DGKI: variants seen among roughly 807,000 people sequenced by gnomAD.
DGKI encodes DAG kinase iota.
In DGKI, 55 loss-of-function variants were observed where a neutral mutation model predicts 147.5. The observed-to-expected ratio is 0.37, with a 90% CI of 0.30 to 0.47. The LOEUF (loss-of-function observed/expected upper bound fraction) is 0.47, where lower values mean the gene tolerates loss of function less well. DGKI is among the 20% of genes least tolerant of loss of function. The pLI, the probability that DGKI is intolerant of heterozygous loss-of-function variation, is 1.00. For synonymous variants in DGKI, 469 were observed against 477.1 expected, an observed-to-expected ratio of 0.98 and a Z score of 0.22; for missense variants, 1,007 against 1,323.8, an observed-to-expected ratio of 0.76 and a Z score of 3.71.
chr7:137,729,188 T>G (rs2116653277), intron 1 of DGKI, among the ~76,000 whole-genome samples: 1 of 152,306 alleles, frequency 6.6e-6, no homozygotes, highest in Non-Finnish European at 1.5e-5. Context: ...TACTGCCTAC[T>G]AATACAAAGA....
rs192550100 is a variant in DGKI at position 137,812,527 on chromosome 7, C to T, written c.401+33935G>A. ...GATAAAGAAACCCTGCCCTTTCAGG[C>T]GCAATTTTGAGGTCCTTATGCTGAG... On this transcript the variant is annotated intron_variant, in intron 1 of 32. Transcript: ENST00000614521. Among the ~76,000 whole-genome samples the T allele has an allele frequency of 9.8e-3, 1,489 of 152,274 alleles. 10 individuals carry two copies. Among genetic ancestry groups the T allele is most frequent in the Middle Eastern group, 0.017 (5 of 294 alleles).
intron 4 of DGKI, among the ~76,000 whole-genome samples, chr7:137,655,908 C>A (rs568290995): frequency 6.6e-6 from 1 of 152,310 alleles, no homozygotes; most frequent in African/African-American, 2.4e-5. Context: ...AATAAATGGA[C>A]TTTGCCGAAT....
chr7:137,686,521 G>T (rs1203258283), intron 2 of DGKI, among the ~76,000 whole-genome samples: 1 of 152,156 alleles, frequency 6.6e-6, no homozygotes, highest in Non-Finnish European at 1.5e-5. Flanking sequence ...GTCATAATAA[G>T]CCATTTGAGT....
chr7:137,403,969 G>A (rs1811852324), intron 30 of DGKI, among the ~76,000 whole-genome samples: 1 of 151,908 alleles, frequency 6.6e-6, no homozygotes, highest in Non-Finnish European at 1.5e-5. Flanking sequence ...GACTTACTGA[G>A]GCCTCTTGGA....
chr7:137,681,859 AG>A (rs1182297576), intron 2 of DGKI, among the ~76,000 whole-genome samples: 11 of 152,256 alleles, frequency 7.2e-5, no homozygotes, highest in Non-Finnish European at 1.6e-4. Flanking sequence ...TTGGGCCATA[AG>A]GTATCAGCTT....
At chr7:137,717,815 G>A (rs1794426114) in intron 1 of DGKI, among the ~76,000 whole-genome samples, 1 of 152,206 alleles carries the variant, frequency 6.6e-6, no homozygotes, top group Non-Finnish European at 1.5e-5. Flanking sequence ...TAAAAAGCCA[G>A]TGCCTAATGG....
At chr7:137,543,620 C>A (rs1249412465) in intron 20 of DGKI, among the ~76,000 whole-genome samples, 1 of 151,954 alleles carries the variant, frequency 6.6e-6, no homozygotes, top group Admixed American at 6.6e-5. Flanking sequence ...GAGGGTTCAC[C>A]CAAAGAAAAG....
chr7:137,713,640 T>A (rs912255930), intron 1 of DGKI, among the ~76,000 whole-genome samples: 13 of 152,114 alleles, frequency 8.5e-5, no homozygotes, highest in Non-Finnish European at 1.9e-4. Flanking sequence ...CCTACCCAAT[T>A]TTTTTTAATT....
intron 21 of DGKI, among the ~76,000 whole-genome samples, chr7:137,516,823 A>G (rs1428349502): frequency 6.6e-6 from 1 of 152,072 alleles, no homozygotes; most frequent in Non-Finnish European, 1.5e-5. Context: ...GTTGAGCTCA[A>G]ATATGCAAAC....
rs2117130597 is a variant in DGKI, at chr7:137,846,495, C to T, written c.368G>A (p.Arg123Lys). Residue 123 changes from arginine (R) to lysine (K), a missense_variant, in exon 1 of 33, where the codon AGG becomes AAG. Coordinates refer to ENST00000614521, the MANE Select transcript of DGKI (RefSeq NM_001321708.2). This position sits in a 1 kb window ranked among gnomAD's most constrained non-coding sequence, Gnocchi z 4.0. ...EKDEALEEKLRNLTFRKQVSY... is the reference protein window; with the variant it reads ...EKDEALEEKLKNLTFRKQVSY... ...GACCTGCTTCCGGAAAGTTAAGTTC[C>T]TCAGCTTCTCCTCCAGCGCTTCGTC... 6.3e-7 allele frequency: 1 copy of T among 1,591,992 alleles called. No homozygotes were observed. The highest frequency in any genetic ancestry group is 1.4e-5 in the African/African-American group (1 of 73,900).
chr7:137,738,395 T>C (rs1177343443), intron 1 of DGKI, among the ~76,000 whole-genome samples: 4 of 152,156 alleles, frequency 2.6e-5, no homozygotes, highest in African/African-American at 9.7e-5. Context: ...TTGGGCTACC[T>C]GAAGAGCATT....
intron 27 of DGKI, among the ~76,000 whole-genome samples, chr7:137,459,470 ATTTTTTT>A (rs68045398): frequency 1.2e-3 from 132 of 107,464 alleles, no homozygotes; most frequent in Non-Finnish European, 2.0e-3. Flanking sequence ...AATTTTTTAA[ATTTTTTT>A]TTTTTTTTTT....
chr7:137,831,462 C>T (rs370176803), intron 1 of DGKI, among the ~76,000 whole-genome samples: 38 of 152,244 alleles, frequency 2.5e-4, no homozygotes, highest in African/African-American at 7.0e-4. Flanking sequence ...GATGGTAGCA[C>T]GCAAAGAGAG....
At chr7:137,664,751 G>A (rs1363978066) in intron 3 of DGKI, among the ~76,000 whole-genome samples, 2 of 152,128 alleles carry the variant, frequency 1.3e-5, no homozygotes, top group Non-Finnish European at 2.9e-5. Context: ...CTGAAAAATT[G>A]TTTTGATCTC....
chr7:137,413,898 CA>C (rs1440205786), intron 28 of DGKI, among the ~76,000 whole-genome samples: 9 of 152,180 alleles, frequency 5.9e-5, no homozygotes, highest in African/African-American at 2.2e-4. Context: ...AAATTTCTAA[CA>C]ACAGTGTATA....
intron 30 of DGKI, among the ~76,000 whole-genome samples, chr7:137,399,738 C>T (rs962742642): frequency 1.3e-5 from 2 of 151,938 alleles, no homozygotes; most frequent in African/African-American, 4.8e-5. Flanking sequence ...GGTGGAACCC[C>T]GTCTCTACTA....
chr7:137,431,825 T>C (rs1342803391), intron 28 of DGKI, among the ~76,000 whole-genome samples: 1 of 152,164 alleles, frequency 6.6e-6, no homozygotes, highest in Non-Finnish European at 1.5e-5. Context: ...ACCATGGCTT[T>C]TGGCAATTGC....
intron 1 of DGKI, among the ~76,000 whole-genome samples, chr7:137,724,466 G>C (rs1486166204): frequency 6.6e-6 from 1 of 152,232 alleles, no homozygotes; most frequent in Non-Finnish European, 1.5e-5. Context: ...AGTCCAGAAA[G>C]TGATGGCTTG....
chr7:137,817,282 C>A (rs1340034958), intron 1 of DGKI, among the ~76,000 whole-genome samples: 1 of 152,104 alleles, frequency 6.6e-6, no homozygotes, highest in Non-Finnish European at 1.5e-5. Context: ...TTGTCTAATT[C>A]ATTTGTATTC....
Sources: gnomAD v4.1 joint callset for allele counts (sites outside exome capture counted in the v4.1 genomes callset) on GRCh38, gnomAD v4.1.1 for gene constraint, Gnocchi (gnomAD v3.1) non-coding constraint, MANE v1.5 for transcripts, NCBI Gene and HGNC (gene_info 2026-07-23, HGNC 2026-07-21) for gene names.